Variants in DZIP1L observed in about 807,000 individuals in gnomAD.
DZIP1L encodes the protein cilium assembly protein DZIP1L.
Under a neutral mutation model 88.7 loss-of-function variants are expected in DZIP1L, and 90 were observed. That is an observed-to-expected ratio of 1.02 (90% confidence interval 0.86 to 1.21). DZIP1L has a LOEUF of 1.21. Among genes scored for constraint, DZIP1L ranks in the 50% most tolerant of loss-of-function variants. The pLI is 0.00. For synonymous variants in DZIP1L, 363 were observed against 372.1 expected (o/e 0.98, Z 0.28); for missense variants, 932 against 955.8 (o/e 0.98, Z 0.33).
At position 138,081,729 on chromosome 3, in the gene DZIP1L, C is replaced by G; in HGVS notation, c.1234+5G>C. 5.0e-6 allele frequency: 8 copies of G among 1,613,128 alleles called. No homozygotes were observed. Among genetic ancestry groups the G allele is most frequent in the Non-Finnish European group, 6.8e-6 (8 of 1,179,490 alleles). On this transcript the variant is annotated splice_donor_5th_base_variant and intron_variant, in intron 9 of 15. Transcript: ENST00000327532. ...TGCTACACACTGCCCTGTGTAGACA[C>G]TTACCTTCCACCTTCCTGAGAGACA...
rs1943811521 is a variant in DZIP1L at position 138,084,185 on chromosome 3, G to C, written c.1131C>G (p.Ser377=). 6.2e-7 allele frequency: 1 copy of C among 1,614,216 alleles called. No individual in the cohort carries two copies. Among genetic ancestry groups the C allele is most frequent in the African/African-American group, 1.3e-5 (1 of 75,064 alleles). Residue 377 remains serine (S), a synonymous_variant, in exon 8 of 16, where the codon TCC becomes TCG. Coordinates refer to ENST00000327532, the MANE Select transcript of DZIP1L (RefSeq NM_173543.3). ...SQDQKKAAAQ[S]QCQISTLRAQ... The stretch of plus-strand genomic sequence containing the variant: ...CACGGAGGGTGCTGATCTGGCACTG[G>C]GACTGGGCAGCTGCCTTCTTCTGAT...
At position 138,097,769 on chromosome 3, in the gene DZIP1L, C is replaced by G. The variant is rs1323121995; in HGVS notation, c.580G>C (p.Glu194Gln). Reference protein sequence around the residue: ...HIQRRHAGVAEGGKQKKQEQP... With the variant: ...HIQRRHAGVAQGGKQKKQEQP... ...GGCTGCTGTCTGGACTCACCACCTT[C>G]TGCCACGCCTGCATGCCTGCGCTGG... The change falls in exon 3 of 16, where the codon GAA (glutamate) becomes CAA (glutamine). Residue 194 changes from glutamate (E) to glutamine (Q), a missense_variant. Glu to Gln is a conservative substitution (Grantham distance 29). Transcript: ENST00000327532. The G allele has an allele frequency of 6.2e-7, 1 of 1,610,996 alleles. No homozygotes were observed. The highest frequency in any genetic ancestry group is 8.5e-7 in the Non-Finnish European group (1 of 1,178,756).
In DZIP1L at chr3:138,067,654, G is replaced by A. The variant is rs1379450020; in HGVS notation, c.1879C>T (p.Gln627Ter). The change falls in exon 14 of 16, where the codon CAG (glutamine) becomes TAG (stop). Residue 627 changes from glutamine to a stop codon, truncating the protein, a stop_gained. Coordinates refer to ENST00000327532, the MANE Select transcript of DZIP1L (RefSeq NM_173543.3). LOFTEE classifies it high-confidence loss of function. ...SEEDSEGDRVQRVSLQPPKVP... is the reference protein window; with the variant it reads ...SEEDSEGDRV ...TTTGGGGGCTGTAGAGACACACGCTGCACACGGTCTCCCTCTGAGTCCTCT... is the reference window on the plus strand; with the variant it reads ...TTTGGGGGCTGTAGAGACACACGCTACACACGGTCTCCCTCTGAGTCCTCT... The A allele has an allele frequency of 1.2e-6, 2 of 1,608,520 alleles. No individual in the cohort carries two copies. Among genetic ancestry groups the A allele is most frequent in the Admixed American group, 1.7e-5 (1 of 59,224 alleles).
At position 138,103,641 on chromosome 3, in the gene DZIP1L, G is replaced by T; in HGVS notation, c.331C>A (p.Leu111Met). The stretch of plus-strand genomic sequence containing the variant: ...AGGCTGGTCTGCAGCCGTGCCTCCA[G>T]CTGGGCAACACTGGCACTCAGGCAA... ...QDCLSASVAQ[L>M]EARLQTSLGQ... Residue 111 changes from leucine to methionine, a missense_variant, in exon 2 of 16, where the codon CTG becomes ATG. Physicochemically the swap from Leu to Met is conservative, Grantham distance 15. Coordinates refer to ENST00000327532, the MANE Select transcript of DZIP1L (RefSeq NM_173543.3). The T allele has an allele frequency of 1.2e-6, 2 of 1,607,652 alleles. No homozygotes were observed.
At chr3:138,087,983 C>G (rs1944025836) in intron 6 of DZIP1L, among the ~76,000 whole-genome samples, 1 of 152,190 alleles carries the variant, frequency 6.6e-6, no homozygotes. Context: ...TTGGCAAATG[C>G]TACAAATTAA....
chr3:138,067,817 C>G, intron 13 of DZIP1L, 117 bp from the exon 14 acceptor site: 1 of 1,229,402 alleles, frequency 8.1e-7, no homozygotes. Context: ...CTGCTCCCTC[C>G]CTCAGGCCCA....
intron 11 of DZIP1L, among the ~76,000 whole-genome samples, chr3:138,072,351 C>A (rs1943220600): frequency 1.3e-5 from 2 of 152,138 alleles, no homozygotes; most frequent in Non-Finnish European, 2.9e-5. Context: ...TCCAGGGAGG[C>A]ATCTGAATCC....
chr3:138,101,114 C>T (rs1457923066), intron 2 of DZIP1L, among the ~76,000 whole-genome samples: 1 of 152,130 alleles, frequency 6.6e-6, no homozygotes, highest in African/African-American at 2.4e-5. Flanking sequence ...CCCTTAGACA[C>T]ATATACATCC....
In DZIP1L at chr3:138,068,287, G is replaced by A. The variant is rs1206422620; in HGVS notation, c.1696C>T (p.Pro566Ser). The A allele has an allele frequency of 6.3e-7, 1 of 1,597,150 alleles. No individual in the cohort carries two copies. Among genetic ancestry groups the A allele is most frequent in the African/African-American group, 1.3e-5 (1 of 74,448 alleles). Residue 566 changes from proline to serine, a missense_variant, in exon 13 of 16, where the codon CCG becomes TCG. Physicochemically the swap from Pro to Ser is moderately conservative, Grantham distance 74 (BLOSUM62 -1). Transcript: ENST00000327532. ...CGAGTTGGTGGGGGTGGCTCTGCCG[G>A]TGTGGATGGCAAGGCCACCTGCAGG... ...RTLQVALPST[P>S]AEPPPPTRQS...
In DZIP1L at chr3:138,104,009, G is replaced by C. The variant is rs763132244; in HGVS notation, c.-38C>G. On this transcript the variant is annotated 5_prime_UTR_variant, in exon 2 of 16. Coordinates refer to ENST00000327532, the MANE Select transcript of DZIP1L (RefSeq NM_173543.3). ...CCCTGAGCTGACCACCAGAGGAGGGGGGCACCAAGGCCACGGCAGTAGGCC... is the reference window on the plus strand; with the variant it reads ...CCCTGAGCTGACCACCAGAGGAGGGCGGCACCAAGGCCACGGCAGTAGGCC... 1.3e-6 allele frequency: 2 copies of C among 1,576,618 alleles called. No individual in the cohort carries two copies. Among genetic ancestry groups the C allele is most frequent in the Non-Finnish European group, 1.7e-6 (2 of 1,167,916 alleles).
chr3:138,091,907 A>G (rs1035347602), intron 5 of DZIP1L, among the ~76,000 whole-genome samples: 2 of 152,240 alleles, frequency 1.3e-5, no homozygotes, highest in African/African-American at 4.8e-5. Flanking sequence ...GAAGACCCCA[A>G]CAGAATGTCT....
intron 9 of DZIP1L, 57 bp from the exon 10 acceptor site, chr3:138,080,677 G>A (rs1466400820): frequency 3.1e-6 from 5 of 1,587,556 alleles, no homozygotes; most frequent in Non-Finnish European, 3.4e-6. Flanking sequence ...TCCCTGACTA[G>A]AAGAAAAGTA....
In DZIP1L at chr3:138,068,177, G is replaced by C. The variant is rs764858808; in HGVS notation, c.1806C>G (p.Thr602=). ...TCATCCCGGGCCCCGAGGAAGGAGGGGTGCTGGAGGGTCCATGCAGTCCGG... is the reference window on the plus strand; with the variant it reads ...TCATCCCGGGCCCCGAGGAAGGAGGCGTGCTGGAGGGTCCATGCAGTCCGG... ...PRPGLHGPSS[T]PPSSGPGMST... is the part of the protein sequence containing the mutation. The change falls in exon 13 of 16, where the codon ACC becomes ACG. Residue 602 remains threonine (T), a synonymous_variant. Coordinates refer to ENST00000327532, the MANE Select transcript of DZIP1L (RefSeq NM_173543.3). The C allele has an allele frequency of 6.5e-7, 1 of 1,530,680 alleles. No homozygotes were observed. Among genetic ancestry groups the C allele is most frequent in the Non-Finnish European group, 8.8e-7 (1 of 1,135,730 alleles). 94.8% of individuals were successfully genotyped at this position (1,530,680 alleles called of 1,614,324 possible).
At chr3:138,097,950 G>T (rs907170620) in intron 2 of DZIP1L, 103 bp from the exon 3 acceptor site, 2 of 925,922 alleles carry the variant, frequency 2.2e-6, no homozygotes, top group Non-Finnish European at 3.4e-6. Flanking sequence ...CCCCTGGGCT[G>T]CTTCAGAAAT....
chr3:138,105,495 AC>A (rs2042455829), intron 1 of DZIP1L, among the ~76,000 whole-genome samples: 1 of 152,140 alleles, frequency 6.6e-6, no homozygotes, highest in African/African-American at 2.4e-5. Context: ...TTTGCATATA[AC>A]CTATACACAT....
At position 138,103,732 on chromosome 3, in the gene DZIP1L, G is replaced by C; in HGVS notation, c.240C>G (p.Asp80Glu). The change falls in exon 2 of 16, where the codon GAC becomes GAG. Residue 80 changes from aspartate (D) to glutamate (E), a missense_variant. Physicochemically the swap from Asp to Glu is conservative, Grantham distance 45 (BLOSUM62 2). Coordinates refer to ENST00000327532, the MANE Select transcript of DZIP1L (RefSeq NM_173543.3). ...EVCSRCGQPVDPALLKVLRLA... is the reference protein window; with the variant it reads ...EVCSRCGQPVEPALLKVLRLA... ...GGCGCAGCACCTTGAGCAGTGCCGG[G>C]TCCACAGGCTGCCCACAGCGGCTGC... The C allele has an allele frequency of 6.2e-7, 1 of 1,613,782 alleles. No individual in the cohort carries two copies. The highest frequency in any genetic ancestry group is 8.5e-7 in the Non-Finnish European group (1 of 1,180,040).
At chr3:138,105,347 T>C (rs1202437277) in intron 1 of DZIP1L, among the ~76,000 whole-genome samples, 1 of 151,806 alleles carries the variant, frequency 6.6e-6, no homozygotes, top group Non-Finnish European at 1.5e-5. Flanking sequence ...CACAGACCAA[T>C]GATGATCATT....
At chr3:138,086,345 G>C (rs1943939206) in intron 7 of DZIP1L, among the ~76,000 whole-genome samples, 2 of 151,768 alleles carry the variant, frequency 1.3e-5, no homozygotes, top group Non-Finnish European at 2.9e-5. Flanking sequence ...ACACCAGAGT[G>C]AGGAGCTCTA....
At chr3:138,081,884 T>C (rs80058788) in intron 8 of DZIP1L, 120 bp from the exon 9 acceptor site, 2 of 1,038,024 alleles carry the variant, frequency 1.9e-6, no homozygotes, top group Admixed American at 2.7e-5. Flanking sequence ...ATGACTCACG[T>C]TGGGAACTGG....
Sources: allele counts gnomAD v4.1 joint callset (sites outside exome capture counted in the v4.1 genomes callset), GRCh38; gene constraint gnomAD v4.1.1; transcripts MANE v1.5; gene names NCBI Gene and HGNC (gene_info 2026-07-23, HGNC 2026-07-21).